Variants in FOCAD observed in about 807,000 individuals in gnomAD.
The protein encoded by FOCAD is KIAA1797.
A neutral mutation model predicts 225.6 loss-of-function variants in FOCAD; 198 were observed. That is an observed-to-expected ratio of 0.88 (90% CI 0.78 to 0.99). The LOEUF is 0.99. FOCAD is among the 50% of genes least tolerant of loss of function. The pLI is 0.00. For missense variants in FOCAD, 2,713 were observed against 2,123.6 expected, an observed-to-expected ratio of 1.28 and a Z score of -5.46; for synonymous variants, 897 against 755.0, an observed-to-expected ratio of 1.19 and a Z score of -3.08.
At chr9:20,915,437 A>G (rs1464135991) in intron 23 of FOCAD, among the ~76,000 whole-genome samples, 4 of 152,200 alleles carry the variant, frequency 2.6e-5, no homozygotes, top group Non-Finnish European at 4.4e-5. Flanking sequence ...AAGGCATTCT[A>G]AGGAGCAACC....
rs765146308 is a variant in FOCAD at position 20,916,954 on chromosome 9, C to A, written c.2852+17C>A. The A allele has an allele frequency of 9.4e-6, 15 of 1,588,774 alleles. No individual in the cohort carries two copies. Among genetic ancestry groups the A allele is most frequent in the Non-Finnish European group, 1.3e-5 (15 of 1,168,804 alleles). On this transcript the variant is annotated intron_variant, in intron 24 of 43. Coordinates refer to ENST00000338382, the MANE Select transcript of FOCAD (RefSeq NM_001375567.1). ...AGCTGCAAAGTAAGATCCATTTAGT[C>A]TTTTATCAAACATTTTTTATAAATA...
chr9:20,801,585 G>T (rs988379764), intron 11 of FOCAD, among the ~76,000 whole-genome samples: 1 of 151,930 alleles, frequency 6.6e-6, no homozygotes, highest in Non-Finnish European at 1.5e-5. Context: ...TCATAATAGG[G>T]GCCATTTTTT....
chr9:20,791,150 A>G (rs990107315), intron 11 of FOCAD, among the ~76,000 whole-genome samples: 15 of 152,036 alleles, frequency 9.9e-5, no homozygotes, highest in African/African-American at 3.6e-4. Flanking sequence ...TTGAAGTTAT[A>G]CAGTGGGTTA....
intron 1 of FOCAD, among the ~76,000 whole-genome samples, chr9:20,693,463 T>C (rs1201245374): frequency 6.6e-6 from 1 of 152,206 alleles, no homozygotes; most frequent in Non-Finnish European, 1.5e-5. Flanking sequence ...CTATTTTGCT[T>C]ATTCTTGTCT....
intron 11 of FOCAD, 59 bp from the exon 12 acceptor site, chr9:20,819,737 A>G (rs1474344527): frequency 1.2e-6 from 1 of 856,822 alleles, no homozygotes; most frequent in South Asian, 2.1e-5. Context: ...TAAATATTCC[A>G]TTATATATTA....
intron 2 of FOCAD, among the ~76,000 whole-genome samples, chr9:20,678,936 C>G (rs981235476): frequency 6.6e-6 from 1 of 152,146 alleles, no homozygotes; most frequent in African/African-American, 2.4e-5. Flanking sequence ...TGCTGGGACC[C>G]TGACTGATAG....
At chr9:20,833,834 A>G (rs1004030245) in intron 15 of FOCAD, among the ~76,000 whole-genome samples, 1 of 152,118 alleles carries the variant, frequency 6.6e-6, no homozygotes, top group African/African-American at 2.4e-5. Context: ...AATCACTAAA[A>G]TTAAAAAGAC....
intron 21 of FOCAD, among the ~76,000 whole-genome samples, chr9:20,894,374 A>G (rs1370342030): frequency 6.6e-6 from 1 of 151,962 alleles, no homozygotes; most frequent in East Asian, 1.9e-4. Context: ...ATAATTTTCA[A>G]CTCTCGGGTA....
intron 15 of FOCAD, among the ~76,000 whole-genome samples, chr9:20,827,454 A>G (rs979590011): frequency 6.6e-6 from 1 of 152,030 alleles, no homozygotes; most frequent in Non-Finnish European, 1.5e-5. Flanking sequence ...AATGATGGAC[A>G]TTTGCCACTA....
Position 20,866,965 on chromosome 9 carries a change from G to T in FOCAD, c.2143G>T (p.Ala715Ser). 1 of 1,465,822 alleles carries T rather than the reference G, an allele frequency of 6.8e-7. No homozygotes were observed. Among genetic ancestry groups the T allele is most frequent in the Non-Finnish European group, 9.1e-7 (1 of 1,093,706 alleles). The allele number at this position is 1,465,822 out of a possible 1,614,324, so 90.8% of individuals were successfully genotyped here. ...IVANAAYRSL[A>S]NFSAGEHTIL... ...AGCAAATGCTGCATATAGATCCCTGGCCAACTTTAGTGCAGGAGAACACAC... is the reference window on the plus strand; with the variant it reads ...AGCAAATGCTGCATATAGATCCCTGTCCAACTTTAGTGCAGGAGAACACAC... The change falls in exon 18 of 44, where the codon GCC becomes TCC. Residue 715 changes from alanine to serine, a missense_variant. By Grantham distance (99) the Ala-to-Ser change is moderately conservative. Transcript: ENST00000338382.
Position 20,971,061 on chromosome 9 carries a change from G to T in FOCAD, c.4133-5359G>T, listed in dbSNP as rs370044112. On this transcript the variant is annotated intron_variant, in intron 35 of 43. Coordinates refer to ENST00000338382, the MANE Select transcript of FOCAD (RefSeq NM_001375567.1). ...CTATGTTCAGTGACTTCTCAAAATTGTAAAGTTTGTCTGTCTTCTTTCTCT... is the reference window on the plus strand; with the variant it reads ...CTATGTTCAGTGACTTCTCAAAATTTTAAAGTTTGTCTGTCTTCTTTCTCT... 8.5e-5 allele frequency among the ~76,000 whole-genome samples: 13 copies of T among 152,110 alleles called. 1 individual carries two copies. Among genetic ancestry groups the T allele is most frequent in the African/African-American group, 3.1e-4 (13 of 41,502 alleles).
intron 35 of FOCAD, among the ~76,000 whole-genome samples, chr9:20,965,866 C>T (rs564565574): frequency 9.9e-5 from 15 of 152,136 alleles, no homozygotes; most frequent in Non-Finnish European, 2.1e-4. Context: ...ATCAGTACTT[C>T]ATTCATTTTT....
At chr9:20,872,799 C>G (rs987080517) in intron 18 of FOCAD, 12 of 152,142 alleles carry the variant, frequency 7.9e-5, no homozygotes, top group African/African-American at 2.9e-4. Context: ...GAAACTCTCT[C>G]AGCAGTCAGT....
intron 39 of FOCAD, 70 bp downstream of exon 39, chr9:20,982,516 G>T: frequency 7.8e-7 from 1 of 1,277,906 alleles, no homozygotes; most frequent in Non-Finnish European, 1.1e-6. Flanking sequence ...ATTGATTTCA[G>T]TGTTTGGCTG....
rs117239426 is a variant in FOCAD, at chr9:20,756,250, G to A, written c.393-1840G>A. On this transcript the variant is annotated intron_variant, in intron 5 of 43. Transcript: ENST00000338382. Reference sequence around the variant, plus strand: ...AAATAGCCTGTGCTTTAGCAAGCAGGAGGCTGCCAGCATGTGAAGTTAGTT... The same window carrying A: ...AAATAGCCTGTGCTTTAGCAAGCAGAAGGCTGCCAGCATGTGAAGTTAGTT... Among the ~76,000 whole-genome samples, 13 of 152,194 alleles carry A rather than the reference G, an allele frequency of 8.5e-5. No homozygotes were observed. In the East Asian group the frequency reaches 2.3e-3, roughly 27 times the overall value.
intron 21 of FOCAD, among the ~76,000 whole-genome samples, chr9:20,903,186 G>T (rs981050674): frequency 6.6e-6 from 1 of 151,844 alleles, no homozygotes; most frequent in South Asian, 2.1e-4. Context: ...GACCAAGAGG[G>T]CTGAACTTCA....
At chr9:20,989,116 A>AT (rs1381577621) in intron 41 of FOCAD, among the ~76,000 whole-genome samples, 3 of 151,858 alleles carry the variant, frequency 2.0e-5, no homozygotes, top group South Asian at 4.2e-4. Flanking sequence ...TAATAGCAGA[A>AT]TTTTTTTTCT....
rs1401122126 is a variant in FOCAD, at chr9:20,916,933, G to T, written c.2848G>T (p.Ala950Ser). The T allele has an allele frequency of 1.9e-6, 3 of 1,601,238 alleles. No individual in the cohort carries two copies. The highest frequency in any genetic ancestry group is 2.6e-6 in the Non-Finnish European group (3 of 1,174,920). The change falls in exon 24 of 44, where the codon GCA (alanine) becomes TCA (serine). Residue 950 changes from alanine to serine, a missense_variant. Physicochemically the swap from Ala to Ser is moderately conservative, Grantham distance 99. Coordinates refer to ENST00000338382, the MANE Select transcript of FOCAD (RefSeq NM_001375567.1). Reference sequence around the variant, plus strand: ...GACTGATGAGATCACCAAGGCAGCTGCAAAGTAAGATCCATTTAGTCTTTT... The same window carrying T: ...GACTGATGAGATCACCAAGGCAGCTTCAAAGTAAGATCCATTTAGTCTTTT... ...MLTDEITKAA[A>S]KESPVVKGNA...
At position 20,976,501 on chromosome 9, in the gene FOCAD, C is replaced by G. The variant is rs759268502; in HGVS notation, c.4214C>G (p.Pro1405Arg). The G allele has an allele frequency of 6.2e-6, 10 of 1,613,256 alleles. No individual in the cohort carries two copies. In the African/African-American group the frequency reaches 1.3e-4, roughly 22 times the overall value. The change falls in exon 36 of 44, where the codon CCT (proline) becomes CGT (arginine). Residue 1405 changes from proline (P) to arginine (R), a missense_variant. Transcript: ENST00000338382. The part of the protein sequence containing the change: ...ATVGESYQYP[P>R]VNWAALLSPL... ...GTTGGAGAAAGCTACCAATATCCTC[C>G]TGTGAACTGGGCTGCACTTCTCTCT... is the stretch of plus-strand genomic sequence containing the variant.
Sources: gnomAD v4.1 joint callset for allele counts (sites outside exome capture counted in the v4.1 genomes callset) on GRCh38, gnomAD v4.1.1 for gene constraint, MANE v1.5 for transcripts, NCBI Gene and HGNC (gene_info 2026-07-23, HGNC 2026-07-21) for gene names.